Variants in TNRC18 observed in about 807,000 individuals in gnomAD.
The protein encoded by TNRC18 is trinucleotide repeat containing 18.
In TNRC18, 69 loss-of-function variants were observed where a neutral mutation model predicts 226.7. That is an observed-to-expected ratio of 0.30 (90% CI 0.25 to 0.37). The LOEUF (loss-of-function observed/expected upper bound fraction) is 0.37. Ranked by LOEUF, TNRC18 falls within the 10% of genes least tolerant of loss-of-function variation. TNRC18 has a pLI of 1.00. For synonymous variants in TNRC18, 2,449 were observed against 1,927.6 expected (o/e 1.27, Z -7.09); for missense variants, 4,754 against 4,256.6 (o/e 1.12, Z -3.25).
At chr7:5,346,194 GAAGGA>G (rs1791176812) in intron 17 of TNRC18, among the ~76,000 whole-genome samples, 1 of 152,168 alleles carries the variant, frequency 6.6e-6, no homozygotes, top group Non-Finnish European at 1.5e-5. Context: ...GGCAGGAGGA[GAAGGA>G]AAGAGGAAGC....
Position 5,421,347 on chromosome 7 carries a change from G to T in TNRC18, c.-101C>A. The T allele has an allele frequency of 9.0e-7, 1 of 1,109,102 alleles. No homozygotes were observed. The highest frequency in any genetic ancestry group is 4.5e-5 in the South Asian group (1 of 22,106). 68.7% of individuals were successfully genotyped at this position (1,109,102 alleles called of 1,614,324 possible). A position where few individuals can be genotyped will look rare whatever the true frequency, so the allele number is the denominator to read the frequency against. On this transcript the variant is annotated 5_prime_UTR_variant, in exon 2 of 30. Coordinates refer to ENST00000430969, the MANE Select transcript of TNRC18 (RefSeq NM_001080495.3). ...CGGCGTAGTCCCAGAGTCCTCGGGC[G>T]GCGGGGGCTCCGCGGCGTGCATGGC...
At chr7:5,338,864 G>A (rs1422402441) in intron 18 of TNRC18, among the ~76,000 whole-genome samples, 1 of 148,176 alleles carries the variant, frequency 6.7e-6, no homozygotes, top group Admixed American at 6.8e-5. Context: ...AGGTTGTGGT[G>A]AGCCGAGATC....
At chr7:5,409,543 T>A (rs559218369) in intron 2 of TNRC18, among the ~76,000 whole-genome samples, 6 of 151,624 alleles carry the variant, frequency 4.0e-5, no homozygotes, top group African/African-American at 1.5e-4. Context: ...GAGCAGTGAT[T>A]GCACCACTGA....
At chr7:5,352,428 G>A (rs75499355) in intron 16 of TNRC18, among the ~76,000 whole-genome samples, 13,899 of 152,254 alleles carry the variant, frequency 0.091, 827 homozygotes, top group South Asian at 0.14. Context: ...TGCTCAGGAA[G>A]GTCACGGTGG....
Position 5,325,212 on chromosome 7 carries a change from G to A in TNRC18, c.6184C>T (p.Leu2062=), listed in dbSNP as rs533115303. Residue 2062 remains leucine, a synonymous_variant, in exon 20 of 30, where the codon CTG becomes TTG. Coordinates refer to ENST00000430969, the MANE Select transcript of TNRC18 (RefSeq NM_001080495.3). ...AAGGCAGGAGCTCGGGGCGGCGGCAGCCCAGCTCCTGGCCCAGCCTCTTTC... is the reference window on the plus strand; with the variant it reads ...AAGGCAGGAGCTCGGGGCGGCGGCAACCCAGCTCCTGGCCCAGCCTCTTTC... ...KGKEAGPGAG[L]PPPRAPALPS... is the part of the protein sequence containing the mutation. The A allele has an allele frequency of 2.3e-5, 35 of 1,554,900 alleles. 1 individual carries two copies. The South Asian group carries it at 3.6e-4, about 16-fold the overall frequency.
At position 5,394,500 on chromosome 7, in the gene TNRC18, G is replaced by C. The variant is rs1343253173; in HGVS notation, c.283C>G (p.Arg95Gly). The change falls in exon 3 of 30, where the codon CGC becomes GGC. Residue 95 changes from arginine (R) to glycine (G), a missense_variant. Transcript: ENST00000430969. This position sits in a 1 kb window ranked among gnomAD's most constrained non-coding sequence, Gnocchi z 4.5. ...GGCAGGTTGCTAGGGGTTGGGGAGC[G>C]GAAAGACAGGTCAGAGGGCAGTGGC... ...PVPLPSDLSF[R>G]SPTPSNLPMV... is the part of the protein sequence containing the mutation. 1.9e-6 allele frequency: 3 copies of C among 1,561,822 alleles called. No homozygotes were observed. The highest frequency in any genetic ancestry group is 3.9e-5 in the Admixed American group (2 of 51,026).
chr7:5,387,120 A>T (rs1779849036), intron 5 of TNRC18, among the ~76,000 whole-genome samples: 1 of 152,216 alleles, frequency 6.6e-6, no homozygotes, highest in Non-Finnish European at 1.5e-5. Context: ...TCCAAAATAT[A>T]ACAGATACTC....
intron 18 of TNRC18, among the ~76,000 whole-genome samples, chr7:5,341,762 C>CAAA (rs34897154): frequency 4.3e-5 from 4 of 92,190 alleles, no homozygotes; most frequent in African/African-American, 8.4e-5. Flanking sequence ...GACTCCGTCT[C>CAAA]AAAAAAAAAA....
chr7:5,355,587 G>A (rs1792276837), intron 16 of TNRC18, among the ~76,000 whole-genome samples: 1 of 152,150 alleles, frequency 6.6e-6, no homozygotes, highest in African/African-American at 2.4e-5. Flanking sequence ...CCATCTCTAC[G>A]AAAATAAAAA....
chr7:5,382,950 C>G (rs777532500), intron 5 of TNRC18, among the ~76,000 whole-genome samples: 6 of 152,186 alleles, frequency 3.9e-5, no homozygotes, highest in Non-Finnish European at 8.8e-5. Flanking sequence ...CAGGTTGGGG[C>G]TCAGTGGTGC....
chr7:5,361,120 C>T (rs945386266), intron 14 of TNRC18, among the ~76,000 whole-genome samples: 4 of 152,214 alleles, frequency 2.6e-5, no homozygotes, highest in African/African-American at 9.6e-5. Context: ...AGGCTGCGAC[C>T]GCCGCCCGAG....
intron 2 of TNRC18, among the ~76,000 whole-genome samples, chr7:5,406,622 G>A (rs115617816): frequency 0.016 from 2,361 of 152,134 alleles, 71 homozygotes; most frequent in African/African-American, 0.054. Flanking sequence ...AGGCAGAAGC[G>A]GGCGGATCAC....
At chr7:5,347,000 C>G (rs1302644781) in intron 17 of TNRC18, among the ~76,000 whole-genome samples, 1 of 151,920 alleles carries the variant, frequency 6.6e-6, no homozygotes, top group Non-Finnish European at 1.5e-5. Context: ...GGGTTAAGCA[C>G]TCGGGCAGTA....
At chr7:5,411,671 C>T (rs1237286525) in intron 2 of TNRC18, among the ~76,000 whole-genome samples, 1 of 152,034 alleles carries the variant, frequency 6.6e-6, no homozygotes, top group African/African-American at 2.4e-5. Context: ...AGGATGTGCT[C>T]TACAGAAAGA....
In TNRC18 at chr7:5,361,650, G is replaced by A. The variant is rs535040497; in HGVS notation, c.4605C>T (p.Ala1535=). 5 of 1,559,410 alleles carry A rather than the reference G, an allele frequency of 3.2e-6. No individual in the cohort carries two copies. In the East Asian group the frequency reaches 9.7e-5, roughly 30 times the overall value. The change falls in exon 14 of 30, where the codon GCC becomes GCT. Residue 1535 remains alanine, a synonymous_variant. Coordinates refer to ENST00000430969, the MANE Select transcript of TNRC18 (RefSeq NM_001080495.3). The part of the protein sequence containing the change: ...GPGRPRKRTH[A]PSALSPPRKR... ...TGCGGGGGGGCGACAGGGCGCTCGG[G>A]GCGTGGGTCCGTTTCCGCGGCCTGC...
Position 5,361,609 on chromosome 7 carries a change from C to T in TNRC18, c.4646G>A (p.Gly1549Asp). 3.3e-6 allele frequency: 5 copies of T among 1,536,744 alleles called. No individual in the cohort carries two copies. The highest frequency in any genetic ancestry group is 4.4e-6 in the Non-Finnish European group (5 of 1,142,232). ...LSPPRKRGKS[G>D]HSSGKLSSKS... ...CCAGCCTTACTTTCCGCTACTGTGG[C>T]CGCTCTTCCCTCTCTTGCGGGGGGG... Residue 1549 changes from glycine to aspartate, a missense_variant, in exon 14 of 30, where the codon GGC (glycine) becomes GAC (aspartate). Physicochemically the swap from Gly to Asp is moderately conservative, Grantham distance 94 (BLOSUM62 -1). Coordinates refer to ENST00000430969, the MANE Select transcript of TNRC18 (RefSeq NM_001080495.3).
At position 5,387,898 on chromosome 7, in the gene TNRC18, G is replaced by C. The variant is rs780118205; in HGVS notation, c.1926C>G (p.Gly642=). Residue 642 remains glycine, a synonymous_variant, in exon 5 of 30, where the codon GGC becomes GGG. Coordinates refer to ENST00000430969, the MANE Select transcript of TNRC18 (RefSeq NM_001080495.3). ...RAQARLPHSG[G]PAAGGGRQLK... is the part of the protein sequence containing the mutation. ...GCTGCCGGCCGCCGCCCGCTGCAGG[G>C]CCTCCGGAGTGTGGGAGACGGGCCT... The C allele has an allele frequency of 1.1e-5, 17 of 1,591,662 alleles. No homozygotes were observed. The highest frequency in any genetic ancestry group is 1.4e-5 in the Non-Finnish European group (16 of 1,170,844).
Position 5,313,609 on chromosome 7 carries a change from T to A in TNRC18, c.7282A>T (p.Ile2428Phe). The change falls in exon 27 of 30, where the codon ATC becomes TTC. Residue 2428 changes from isoleucine (I) to phenylalanine (F), a missense_variant. Transcript: ENST00000430969. ...PATSLAPAPL[I>F]TMPATRPKPK... is the part of the protein sequence containing the mutation. Reference sequence around the variant, plus strand: ...TTGGGGCGTGTGGCAGGCATGGTGATGAGGGGTGCTGGGGCCAGGGAGGTG... The same window carrying A: ...TTGGGGCGTGTGGCAGGCATGGTGAAGAGGGGTGCTGGGGCCAGGGAGGTG... 1.2e-6 allele frequency: 2 copies of A among 1,603,218 alleles called. No homozygotes were observed. Among genetic ancestry groups the A allele is most frequent in the Non-Finnish European group, 1.7e-6 (2 of 1,175,886 alleles).
rs370371063 is a variant in TNRC18 at position 5,376,026 on chromosome 7, C to T, written c.2799+8G>A. On this transcript the variant is annotated splice_region_variant and intron_variant, in intron 9 of 29. Transcript: ENST00000430969. ...AGAGGGAGCTGCGCCTCATCCTCCC[C>T]GACTTACCACGAGCTGGGCGCTCCT... The T allele has an allele frequency of 7.3e-5, 115 of 1,585,146 alleles. No individual in the cohort carries two copies. The African/African-American group carries it at 9.7e-4, about 13-fold the overall frequency.
Sources: gnomAD v4.1 joint callset for allele counts (sites outside exome capture counted in the v4.1 genomes callset) on GRCh38, gnomAD v4.1.1 for gene constraint, Gnocchi (gnomAD v3.1) non-coding constraint, MANE v1.5 for transcripts, NCBI Gene and HGNC (gene_info 2026-07-23, HGNC 2026-07-21) for gene names.